The following ACSS1 variants were observed in gnomAD, a reference collection of about 807,000 sequenced individuals.
The protein encoded by ACSS1 is acetyl-coenzyme A synthetase 2-like, mitochondrial.
In ACSS1, 42 loss-of-function variants were observed where a neutral mutation model predicts 75.3. That is an observed-to-expected ratio of 0.56 (90% CI 0.44 to 0.72). The LOEUF (loss-of-function observed/expected upper bound fraction) is 0.72, where lower values mean the gene tolerates loss of function less well. Among genes scored for constraint, ACSS1 ranks in the 30% least tolerant of loss-of-function variants. The pLI is 0.00. For synonymous variants in ACSS1, 380 were observed against 376.8 expected (o/e 1.01, Z -0.10); for missense variants, 782 against 935.7 (o/e 0.84, Z 2.14).
intron 2 of ACSS1, among the ~76,000 whole-genome samples, chr20:25,033,570 C>T (rs6050261): frequency 0.29 from 43,506 of 152,204 alleles, 6,566 homozygotes; most frequent in Middle Eastern, 0.37. Flanking sequence ...ATGACAAAAA[C>T]CAGCTAACTC....
intron 6 of ACSS1, among the ~76,000 whole-genome samples, chr20:25,020,579 G>A (rs190407044): frequency 6.6e-5 from 10 of 152,202 alleles, no homozygotes; most frequent in Non-Finnish European, 1.2e-4. Context: ...CCATGTGCCC[G>A]GCATGCACAC....
intron 7 of ACSS1, among the ~76,000 whole-genome samples, chr20:25,019,033 C>T (rs1452094609): frequency 6.6e-6 from 1 of 152,258 alleles, no homozygotes; most frequent in Non-Finnish European, 1.5e-5. Flanking sequence ...CGGATGCCCG[C>T]ATGGCCTCAT....
At chr20:25,016,412 T>A (rs1424426760) in intron 7 of ACSS1, among the ~76,000 whole-genome samples, 1 of 152,214 alleles carries the variant, frequency 6.6e-6, no homozygotes, top group African/African-American at 2.4e-5. Flanking sequence ...GAAGAAGATA[T>A]GTGTACACCC....
intron 8 of ACSS1, among the ~76,000 whole-genome samples, chr20:25,014,274 C>T (rs1293141218): frequency 2.6e-5 from 4 of 152,188 alleles, no homozygotes; most frequent in African/African-American, 9.7e-5. Flanking sequence ...GCCTCAGCCC[C>T]AGGAGCTCTG....
chr20:25,026,345 A>G (rs1212018697), intron 3 of ACSS1, among the ~76,000 whole-genome samples: 3 of 152,186 alleles, frequency 2.0e-5, no homozygotes, highest in Non-Finnish European at 4.4e-5. Context: ...CCAATCTAGT[A>G]AGGCAAGAGT....
chr20:25,020,986 G>C (rs2088614005), intron 6 of ACSS1, among the ~76,000 whole-genome samples: 1 of 152,252 alleles, frequency 6.6e-6, no homozygotes, highest in Non-Finnish European at 1.5e-5. Context: ...CATGGTTTGA[G>C]GGACAGCCCT....
Position 25,015,914 on chromosome 20 carries a change from A to G in ACSS1, c.1247-684T>C, listed in dbSNP as rs547092311. Among the ~76,000 whole-genome samples, 8 of 152,330 alleles carry G rather than the reference A, an allele frequency of 5.3e-5. No individual in the cohort carries two copies. In the South Asian group the frequency reaches 1.2e-3, roughly 24 times the overall value. ...TGAGCAACTGCTTGGGGCAGAATCT[A>G]CTACAGCTAAATACCTCAAAACATG... On this transcript the variant is annotated intron_variant, in intron 7 of 13. Coordinates refer to ENST00000323482, the MANE Select transcript of ACSS1 (RefSeq NM_032501.4).
intron 2 of ACSS1, among the ~76,000 whole-genome samples, chr20:25,044,035 C>G (rs187952824): frequency 8.5e-4 from 130 of 152,330 alleles, no homozygotes; most frequent in Admixed American, 3.3e-3. Context: ...ACAGTCCACT[C>G]TCTCCTCTGT....
At chr20:25,029,127 T>C (rs1344919441) in intron 3 of ACSS1, among the ~76,000 whole-genome samples, 2 of 152,312 alleles carry the variant, frequency 1.3e-5, no homozygotes, top group South Asian at 2.1e-4. Flanking sequence ...TTGCAAATCA[T>C]ATATCTGATA....
intron 2 of ACSS1, among the ~76,000 whole-genome samples, chr20:25,039,171 C>A (rs1487780137): frequency 6.6e-6 from 1 of 152,156 alleles, no homozygotes; most frequent in African/African-American, 2.4e-5. Flanking sequence ...AGCTCCCCTT[C>A]CCTTCTTCAC....
intron 12 of ACSS1, 47 bp downstream of exon 12, chr20:25,012,554 G>A: frequency 6.2e-7 from 1 of 1,606,114 alleles, no homozygotes; most frequent in South Asian, 1.1e-5. Context: ...GCCCATAATG[G>A]GTGTGGGGTC....
chr20:25,015,476 T>C lies in ACSS1; in HGVS notation c.1247-246A>G, dbSNP rs563563789. On this transcript the variant is annotated intron_variant, in intron 7 of 13. Coordinates refer to ENST00000323482, the MANE Select transcript of ACSS1 (RefSeq NM_032501.4). Reference sequence around the variant, plus strand: ...ACACCCGGCTAATTTTTTGTATTTTTAGTAGAGACGGGGTTTCACCATGTT... The same window carrying C: ...ACACCCGGCTAATTTTTTGTATTTTCAGTAGAGACGGGGTTTCACCATGTT... Among the ~76,000 whole-genome samples, 130 of 152,264 alleles carry C rather than the reference T, an allele frequency of 8.5e-4. 1 individual carries two copies. In the Middle Eastern group the frequency reaches 0.017, roughly 20 times the overall value.
rs182126200 is a variant in ACSS1, at chr20:25,055,942, A to G, written c.334+1827T>C. On this transcript the variant is annotated intron_variant, in intron 1 of 13. Coordinates refer to ENST00000323482, the MANE Select transcript of ACSS1 (RefSeq NM_032501.4). ...CCGGCAAAGGAAAGAGATATTGCTGACCCATGAACAGGAGGGCACGCACAT... is the reference window on the plus strand; with the variant it reads ...CCGGCAAAGGAAAGAGATATTGCTGGCCCATGAACAGGAGGGCACGCACAT... Among the ~76,000 whole-genome samples the G allele has an allele frequency of 1.1e-3, 160 of 152,296 alleles. 3 individuals are homozygous for G. The highest frequency in any genetic ancestry group is 1.4e-3 in the South Asian group (7 of 4,832).
In ACSS1 at chr20:25,050,397, C is replaced by T. The variant is rs142937013; in HGVS notation, c.335-2216G>A. ...CACTGTCTGCACCCACCATCCCCCC[C>T]GGGAGCTGGTCACAAATGCAAATCT... On this transcript the variant is annotated intron_variant, in intron 1 of 13. Coordinates refer to ENST00000323482, the MANE Select transcript of ACSS1 (RefSeq NM_032501.4). Among the ~76,000 whole-genome samples the T allele has an allele frequency of 6.6e-5, 10 of 152,168 alleles. No homozygotes were observed. The South Asian group carries it at 8.3e-4, about 13-fold the overall frequency.
At chr20:25,047,548 AG>A (rs1416891538) in intron 2 of ACSS1, among the ~76,000 whole-genome samples, 3 of 152,212 alleles carry the variant, frequency 2.0e-5, no homozygotes, top group Non-Finnish European at 4.4e-5. Context: ...AGCTGCCCCC[AG>A]GAGAGTAATC....
chr20:25,018,316 C>T (rs2088555772), intron 7 of ACSS1, among the ~76,000 whole-genome samples: 1 of 152,240 alleles, frequency 6.6e-6, no homozygotes, highest in East Asian at 1.9e-4. Flanking sequence ...TTGATGTGGA[C>T]TTCCCAGCCT....
chr20:25,055,087 G>A (rs1429567016), intron 1 of ACSS1, among the ~76,000 whole-genome samples: 1 of 152,196 alleles, frequency 6.6e-6, no homozygotes, highest in Non-Finnish European at 1.5e-5. Context: ...TTTATGGAAT[G>A]GGGTGTTTCC....
chr20:25,023,168 G>C, intron 4 of ACSS1, 76 bp from the exon 5 acceptor site: 2 of 1,510,930 alleles, frequency 1.3e-6, no homozygotes, highest in South Asian at 2.5e-5. Flanking sequence ...CTCCGCAGCA[G>C]GACTCCACAC....
chr20:25,044,190 T>A (rs2089049212), intron 2 of ACSS1, among the ~76,000 whole-genome samples: 2 of 152,180 alleles, frequency 1.3e-5, no homozygotes, highest in South Asian at 2.1e-4. Flanking sequence ...ACACACCAGC[T>A]AGGCAGCAGC....
Sources: gnomAD v4.1 joint callset for allele counts (sites outside exome capture counted in the v4.1 genomes callset) on GRCh38, gnomAD v4.1.1 for gene constraint, MANE v1.5 for transcripts, NCBI Gene and HGNC (gene_info 2026-07-23, HGNC 2026-07-21) for gene names.